KCTD8: variants seen among roughly 807,000 people sequenced by gnomAD.
KCTD8 encodes BTB/POZ domain-containing protein KCTD8.
A neutral mutation model predicts 31.5 loss-of-function variants in KCTD8; 27 were observed. The observed-to-expected ratio is 0.86, with a 90% CI of 0.63 to 1.18. The LOEUF is 1.18. Ranked by LOEUF, KCTD8 falls within the 50% of genes most tolerant of loss-of-function variation. KCTD8 has a pLI of 0.00. For missense variants in KCTD8, 658 were observed against 647.7 expected (o/e 1.02, Z -0.17); for synonymous variants, 290 against 280.0 (o/e 1.04, Z -0.36).
intron 1 of KCTD8, among the ~76,000 whole-genome samples, chr4:44,411,695 C>T (rs925109443): frequency 6.6e-6 from 1 of 151,658 alleles, no homozygotes; most frequent in Non-Finnish European, 1.5e-5. Flanking sequence ...TAGGGTGGAC[C>T]CTTATTCCAA....
chr4:44,325,208 T>G (rs186361975), intron 1 of KCTD8, among the ~76,000 whole-genome samples: 2 of 152,084 alleles, frequency 1.3e-5, no homozygotes, highest in Admixed American at 1.3e-4. Flanking sequence ...ATGTGCAAAT[T>G]GTGGTACGTG....
intron 1 of KCTD8, among the ~76,000 whole-genome samples, chr4:44,302,946 C>T (rs1372516347): frequency 6.6e-6 from 1 of 152,086 alleles, no homozygotes; most frequent in African/African-American, 2.4e-5. Context: ...TGAATTTTGT[C>T]AAAGGCCTTT....
chr4:44,369,667 C>T (rs1057441754), intron 1 of KCTD8, among the ~76,000 whole-genome samples: 3 of 152,138 alleles, frequency 2.0e-5, no homozygotes, highest in African/African-American at 7.2e-5. Flanking sequence ...CATGGTGGCA[C>T]ATGCTTGCAG....
chr4:44,413,015 T>C (rs1033518139), intron 1 of KCTD8, among the ~76,000 whole-genome samples: 1 of 152,268 alleles, frequency 6.6e-6, no homozygotes, highest in East Asian at 1.9e-4. Flanking sequence ...GAATATATAA[T>C]GCTATAAAAT....
chr4:44,358,756 A>C (rs1446367682), intron 1 of KCTD8, among the ~76,000 whole-genome samples: 1 of 152,032 alleles, frequency 6.6e-6, no homozygotes, highest in Non-Finnish European at 1.5e-5. Context: ...TTTTTAGCAG[A>C]GACGGGGTTT....
intron 1 of KCTD8, among the ~76,000 whole-genome samples, chr4:44,370,823 G>A (rs1468737840): frequency 1.3e-5 from 2 of 152,256 alleles, no homozygotes; most frequent in African/African-American, 4.8e-5. Flanking sequence ...GGGAGAAGGA[G>A]GTAGAAATGA....
chr4:44,363,409 C>T (rs1577637314), intron 1 of KCTD8, among the ~76,000 whole-genome samples: 1 of 152,142 alleles, frequency 6.6e-6, no homozygotes, highest in East Asian at 1.9e-4. Context: ...GGAGCTCAGG[C>T]AACTAGCTGA....
intron 1 of KCTD8, among the ~76,000 whole-genome samples, chr4:44,418,613 T>A (rs1479352524): frequency 1.3e-5 from 2 of 152,126 alleles, no homozygotes; most frequent in African/African-American, 2.4e-5. Context: ...GAAAAAATTT[T>A]AAAAAATCTT....
chr4:44,214,346 A>C (rs1208724952), intron 1 of KCTD8, among the ~76,000 whole-genome samples: 1 of 152,026 alleles, frequency 6.6e-6, no homozygotes. Context: ...TGCTTTCTTT[A>C]CTCTGTCTCT....
At chr4:44,232,049 G>C (rs1405546770) in intron 1 of KCTD8, among the ~76,000 whole-genome samples, 2 of 152,126 alleles carry the variant, frequency 1.3e-5, no homozygotes, top group African/African-American at 2.4e-5. Context: ...GATTTGGGCA[G>C]AAGGGATGTT....
At position 44,293,878 on chromosome 4, in the gene KCTD8, T is replaced by C. The variant is rs112063454; in HGVS notation, c.962-118628A>G. 3.3e-3 allele frequency: 1,440 copies of C among 442,384 alleles called. 14 individuals carry two copies. The highest frequency in any genetic ancestry group is 0.026 in the African/African-American group (1,276 of 49,638). The allele number at this position is 442,384 out of a possible 1,614,324, so 27.4% of individuals were successfully genotyped here. ...AAGGATGATTTATCAGAAATATAAA[T>C]AGAATTATTGCATAGAGAATGAGAT... is the stretch of plus-strand genomic sequence containing the variant. On this transcript the variant is annotated intron_variant, in intron 1 of 1. Coordinates refer to ENST00000360029, the MANE Select transcript of KCTD8 (RefSeq NM_198353.3).
intron 1 of KCTD8, among the ~76,000 whole-genome samples, chr4:44,438,891 C>T (rs1721748017): frequency 6.6e-6 from 1 of 152,174 alleles, no homozygotes; most frequent in African/African-American, 2.4e-5. Flanking sequence ...CTGTGGACTG[C>T]TTTATTTGAT....
At chr4:44,292,337 C>T (rs558355623) in intron 1 of KCTD8, among the ~76,000 whole-genome samples, 3 of 152,188 alleles carry the variant, frequency 2.0e-5, no homozygotes, top group Admixed American at 2.0e-4. Context: ...ATGGATGCAG[C>T]TGGAAGTTAT....
At chr4:44,191,754 A>T (rs28600109) in intron 1 of KCTD8, among the ~76,000 whole-genome samples, 99 of 152,246 alleles carry the variant, frequency 6.5e-4, no homozygotes, top group African/African-American at 2.0e-3. Context: ...GTTGTTTAAG[A>T]TGTTTATCAA....
intron 1 of KCTD8, among the ~76,000 whole-genome samples, chr4:44,264,396 T>C (rs1716272495): frequency 1.3e-5 from 2 of 152,156 alleles, no homozygotes; most frequent in Non-Finnish European, 2.9e-5. Flanking sequence ...TGTTTCACAT[T>C]AGGGCAGTTT....
At chr4:44,193,952 G>C (rs1423348416) in intron 1 of KCTD8, among the ~76,000 whole-genome samples, 1 of 152,158 alleles carries the variant, frequency 6.6e-6, no homozygotes, top group African/African-American at 2.4e-5. Flanking sequence ...AAAATTTACA[G>C]AGTGAAATTA....
In KCTD8 at chr4:44,174,970, C is replaced by G; in HGVS notation, c.1242G>C (p.Gln414His). 2 of 1,614,120 alleles carry G rather than the reference C, an allele frequency of 1.2e-6. No homozygotes were observed. Among genetic ancestry groups the G allele is most frequent in the Non-Finnish European group, 8.5e-7 (1 of 1,180,002 alleles). ...PDKRRNSELF[Q>H]TLISKSRETN... ...TTTCCCGGGACTTGCTGATGAGGGTCTGAAAGAGTTCACTGTTTCTGCGTT... is the reference window on the plus strand; with the variant it reads ...TTTCCCGGGACTTGCTGATGAGGGTGTGAAAGAGTTCACTGTTTCTGCGTT... Residue 414 changes from glutamine (Q) to histidine (H), a missense_variant, in exon 2 of 2, where the codon CAG becomes CAC. Coordinates refer to ENST00000360029, the MANE Select transcript of KCTD8 (RefSeq NM_198353.3).
intron 1 of KCTD8, among the ~76,000 whole-genome samples, chr4:44,251,763 G>C (rs1210660892): frequency 6.6e-6 from 1 of 151,418 alleles, no homozygotes; most frequent in East Asian, 1.9e-4. Context: ...GAGTTAAGGA[G>C]AGACTTTTCT....
chr4:44,320,426 T>A (rs1168431010), intron 1 of KCTD8, among the ~76,000 whole-genome samples: 1 of 152,118 alleles, frequency 6.6e-6, no homozygotes, highest in Non-Finnish European at 1.5e-5. Context: ...TCAATTAAAA[T>A]CTCATTTTAG....
Sources: allele counts gnomAD v4.1 joint callset (sites outside exome capture counted in the v4.1 genomes callset), GRCh38; gene constraint gnomAD v4.1.1; transcripts MANE v1.5; gene names NCBI Gene and HGNC (gene_info 2026-07-23, HGNC 2026-07-21).